The following SLC7A8 variants were observed in gnomAD, a reference collection of about 807,000 sequenced individuals.
SLC7A8 encodes solute carrier family 7 member 8, also known as large neutral amino acids transporter small subunit 2.
SLC7A8 carries 30 observed loss-of-function variants against 51.2 expected under a neutral mutation model. The ratio of observed to expected loss-of-function variants is 0.59; its 90% CI spans 0.44 to 0.80. The LOEUF (loss-of-function observed/expected upper bound fraction) is 0.80, where lower values mean the gene tolerates loss of function less well. SLC7A8 is among the 30% of genes least tolerant of loss of function. The pLI is 0.00. For missense variants in SLC7A8, 612 were observed against 674.4 expected (o/e 0.91, Z 1.03); for synonymous variants, 257 against 275.8 (o/e 0.93, Z 0.67).
Position 23,127,344 on chromosome 14 carries a change from C to A in SLC7A8, c.1442-1G>T. ...TTCTGGCTCACCAGGGTTAGCAGCT[C>A]TGTAGGAAGAGATCACACAGAAACC... On this transcript the variant is annotated splice_acceptor_variant, in intron 10 of 10. Coordinates refer to ENST00000316902, the MANE Select transcript of SLC7A8 (RefSeq NM_012244.4). LOFTEE classifies it high-confidence loss of function. 1.2e-6 allele frequency: 2 copies of A among 1,613,524 alleles called. No homozygotes were observed. Among genetic ancestry groups the A allele is most frequent in the South Asian group, 2.2e-5 (2 of 91,072 alleles).
In SLC7A8 at chr14:23,128,481, G is replaced by C; in HGVS notation, c.1264-285C>G. 1 of 902,578 alleles carries C rather than the reference G, an allele frequency of 1.1e-6. No individual in the cohort carries two copies. Among genetic ancestry groups the C allele is most frequent in the Admixed American group, 2.3e-5 (1 of 43,834 alleles). 55.9% of individuals were successfully genotyped at this position (902,578 alleles called of 1,614,324 possible). ...TCGCTCTTGGGTGTGGTTAGACAAGGCCTCATCATGCATGCCATGTGCCCG... is the reference window on the plus strand; with the variant it reads ...TCGCTCTTGGGTGTGGTTAGACAAGCCCTCATCATGCATGCCATGTGCCCG... On this transcript the variant is annotated intron_variant, in intron 9 of 10. Coordinates refer to ENST00000316902, the MANE Select transcript of SLC7A8 (RefSeq NM_012244.4). This position sits in a 1 kb window ranked among gnomAD's most constrained non-coding sequence, Gnocchi z 4.3.
At chr14:23,173,208 T>C (rs1391371820) in intron 1 of SLC7A8, among the ~76,000 whole-genome samples, 1 of 152,172 alleles carries the variant, frequency 6.6e-6, no homozygotes, top group Non-Finnish European at 1.5e-5. Flanking sequence ...GGAAGACACA[T>C]GTGCACAGAC....
At chr14:23,171,686 G>A (rs944583822) in intron 1 of SLC7A8, among the ~76,000 whole-genome samples, 3 of 152,198 alleles carry the variant, frequency 2.0e-5, no homozygotes, top group African/African-American at 7.2e-5. Flanking sequence ...CCTGCTTTGT[G>A]TTTCTTCCAC....
At chr14:23,181,451 G>GT (rs1445987613) in intron 1 of SLC7A8, among the ~76,000 whole-genome samples, 2 of 140,234 alleles carry the variant, frequency 1.4e-5, no homozygotes, top group African/African-American at 5.6e-5. Flanking sequence ...GTTGGTGGGG[G>GT]TGGGGGGGGG....
intron 3 of SLC7A8, among the ~76,000 whole-genome samples, chr14:23,162,742 C>T (rs1344184889): frequency 6.6e-6 from 1 of 152,186 alleles, no homozygotes; most frequent in Non-Finnish European, 1.5e-5. Context: ...GGCTACACTA[C>T]TTTGGAGGGT....
chr14:23,174,642 G>C (rs140620940), intron 1 of SLC7A8, among the ~76,000 whole-genome samples: 127 of 152,368 alleles, frequency 8.3e-4, no homozygotes, highest in African/African-American at 3.0e-3. Flanking sequence ...ACAAGGCCTA[G>C]AATATAATGT....
At chr14:23,160,552 C>A (rs1300460604) in intron 3 of SLC7A8, among the ~76,000 whole-genome samples, 4 of 129,232 alleles carry the variant, frequency 3.1e-5, no homozygotes. Context: ...GCCTGGGTGA[C>A]GGAGGGAGAC....
intron 1 of SLC7A8, 81 bp from the exon 2 acceptor site, chr14:23,166,621 A>G: frequency 7.1e-7 from 1 of 1,405,764 alleles, no homozygotes; most frequent in South Asian, 1.2e-5. Flanking sequence ...GGGTGGTCTC[A>G]TTTCTGATCT....
In SLC7A8 at chr14:23,131,533, C is replaced by G. The variant is rs577923679; in HGVS notation, c.1041G>C (p.Glu347Asp). Residue 347 changes from glutamate (E) to aspartate (D), a missense_variant, in exon 8 of 11, where the codon GAG becomes GAC. Glu to Asp is a conservative substitution (Grantham distance 45). Transcript: ENST00000316902. ...SSRLFFAGAR[E>D]GHLPSVLAMI... The stretch of plus-strand genomic sequence containing the variant: ...TGGCCAACACACTGGGAAGGTGGCC[C>G]TCTCGGGCTCCAGCGAAGAACAGCC... 4.4e-6 allele frequency: 7 copies of G among 1,607,082 alleles called. No individual in the cohort carries two copies. Among genetic ancestry groups the G allele is most frequent in the African/African-American group, 1.3e-5 (1 of 74,720 alleles).
chr14:23,129,507 T>A (rs895566157), intron 9 of SLC7A8, 143 bp downstream of exon 9: 2 of 883,584 alleles, frequency 2.3e-6, no homozygotes, highest in African/African-American at 3.4e-5. Context: ...CATTCACAAA[T>A]GGCCCTTGCT....
chr14:23,134,214 G>GA (rs1231987443), intron 7 of SLC7A8, among the ~76,000 whole-genome samples: 2 of 152,016 alleles, frequency 1.3e-5, no homozygotes, highest in East Asian at 3.9e-4. Flanking sequence ...ATACATTAGA[G>GA]AAAAAATTTT....
Position 23,126,954 on chromosome 14 carries a change from TGGAGTGGGGCCTG to T in SLC7A8, c.*210_*222del. ...CAGCAGCTGGGAGTGTGGGCAGCACTGGAGTGGGGCCTGGGACATGGACCCTGGGGTGAGAGGC... is the reference window on the plus strand; with the variant it reads ...CAGCAGCTGGGAGTGTGGGCAGCACTGGACATGGACCCTGGGGTGAGAGGC... On this transcript the variant is annotated 3_prime_UTR_variant, in exon 11 of 11. Coordinates refer to ENST00000316902, the MANE Select transcript of SLC7A8 (RefSeq NM_012244.4). The T allele has an allele frequency of 1.7e-6, 1 of 589,750 alleles. No individual in the cohort carries two copies. Among genetic ancestry groups the T allele is most frequent in the Non-Finnish European group, 3.0e-6 (1 of 334,592 alleles). 36.5% of individuals were successfully genotyped at this position (589,750 alleles called of 1,614,324 possible).
chr14:23,144,267 C>T (rs1290898192), intron 3 of SLC7A8, among the ~76,000 whole-genome samples: 1 of 151,612 alleles, frequency 6.6e-6, no homozygotes, highest in Non-Finnish European at 1.5e-5. Context: ...TCTCATTTTG[C>T]ATTCCTACTC....
rs77395331 is a variant in SLC7A8 at position 23,138,282 on chromosome 14, T to G, written c.913-258A>C. On this transcript the variant is annotated intron_variant, in intron 6 of 10. Transcript: ENST00000316902. ...GAACTAACACTTACTAATCTTGTTTTATGGGTGAGGAACTGAGTCACATAG... is the reference window on the plus strand; with the variant it reads ...GAACTAACACTTACTAATCTTGTTTGATGGGTGAGGAACTGAGTCACATAG... 3,092 of 438,080 alleles carry G rather than the reference T, an allele frequency of 7.1e-3. 88 individuals are homozygous for G. Among genetic ancestry groups the G allele is most frequent in the African/African-American group, 0.056 (2,848 of 50,436 alleles). 27.1% of individuals were successfully genotyped at this position (438,080 alleles called of 1,614,324 possible).
chr14:23,164,641 T>C (rs1454722796), intron 3 of SLC7A8, among the ~76,000 whole-genome samples: 2 of 151,708 alleles, frequency 1.3e-5, no homozygotes, highest in Non-Finnish European at 2.9e-5. Flanking sequence ...GACAATTGTA[T>C]GCAGAATCCA....
At chr14:23,142,824 C>T (rs935772578) in intron 4 of SLC7A8, among the ~76,000 whole-genome samples, 10 of 152,170 alleles carry the variant, frequency 6.6e-5, no homozygotes, top group Non-Finnish European at 1.0e-4. Flanking sequence ...CTTTACCTAG[C>T]TGTGCTACAG....
intron 3 of SLC7A8, chr14:23,155,294 T>C (rs935301821): frequency 7.2e-6 from 11 of 1,535,756 alleles, no homozygotes; most frequent in African/African-American, 1.4e-5. Context: ...GGGCTGTGAG[T>C]GCTCCTGGAG....
chr14:23,137,970 C>A lies in SLC7A8; in HGVS notation c.967G>T (p.Ala323Ser), dbSNP rs776113320. 1.2e-6 allele frequency: 2 copies of A among 1,613,728 alleles called. No homozygotes were observed. Among genetic ancestry groups the A allele is most frequent in the Non-Finnish European group, 1.7e-6 (2 of 1,180,002 alleles). Residue 323 changes from alanine to serine, a missense_variant, in exon 7 of 11, where the codon GCC (alanine) becomes TCC (serine). Coordinates refer to ENST00000316902, the MANE Select transcript of SLC7A8 (RefSeq NM_012244.4). The stretch of plus-strand genomic sequence containing the variant: ...TTAACTCCTCCAAATGTGGACAGGG[C>A]AACAGAAATGGGCATGATCCAGGCC... ...VMAWIMPISV[A>S]LSTFGGVNGS...
At chr14:23,168,526 T>C (rs781070511) in intron 1 of SLC7A8, among the ~76,000 whole-genome samples, 28 of 152,186 alleles carry the variant, frequency 1.8e-4, no homozygotes, top group Non-Finnish European at 3.5e-4. Context: ...CAGCCAAGAC[T>C]ACAGCAATAA....
Sources: gnomAD v4.1 joint callset for allele counts (sites outside exome capture counted in the v4.1 genomes callset) on GRCh38, gnomAD v4.1.1 for gene constraint, Gnocchi (gnomAD v3.1) non-coding constraint, MANE v1.5 for transcripts, NCBI Gene and HGNC (gene_info 2026-07-23, HGNC 2026-07-21) for gene names.